TTN: variants seen among roughly 807,000 people sequenced by gnomAD.
TTN encodes connectin.
In TTN, 1,525 loss-of-function variants were observed where a neutral mutation model predicts 3,223.0. That is an observed-to-expected ratio of 0.47 (90% confidence interval 0.45 to 0.49). The LOEUF (loss-of-function observed/expected upper bound fraction) is 0.49. Ranked by LOEUF, TTN falls within the 20% of genes least tolerant of loss-of-function variation. TTN has a pLI of 0.00. For missense variants in TTN, 40,786 were observed against 43,424.0 expected, an observed-to-expected ratio of 0.94 and a Z score of 5.40; for synonymous variants, 14,094 against 15,161.0, an observed-to-expected ratio of 0.93 and a Z score of 5.17.
rs1315019167 is a variant in TTN at position 178,773,119 on chromosome 2, A to G, written c.7845T>C (p.Leu2615=). ...YAGENMTSGK[L]TVAGGAISKP... ...AATAAATATACCAACCTGCCACAGT[A>G]AGTTTTCCAGATGTCATATTTTCTC... The change falls in exon 33 of 363, where the codon CTT becomes CTC. Residue 2615 remains leucine (L), a synonymous_variant. Transcript: ENST00000589042. 1 of 1,613,948 alleles carries G rather than the reference A, an allele frequency of 6.2e-7. No homozygotes were observed. Among genetic ancestry groups the G allele is most frequent in the South Asian group, 1.1e-5 (1 of 91,066 alleles).
In TTN at chr2:178,773,558, G is replaced by A. The variant is rs1561253718; in HGVS notation, c.7498C>T (p.Gln2500Ter). Residue 2500 changes from glutamine (Q) to a stop codon, truncating the protein, a stop_gained, in exon 32 of 363, where the codon CAG (glutamine) becomes TAG (stop). Transcript: ENST00000589042. LOFTEE classifies it high-confidence loss of function. Reference sequence around the variant, plus strand: ...TGAGTTCGGTTAATGACTAGTCGCTGTTTAGTACCTTTCACAATGGCCTGT... The same window carrying A: ...TGAGTTCGGTTAATGACTAGTCGCTATTTAGTACCTTTCACAATGGCCTGT... ...RVQAIVKGTK[Q>*]RLVINRTHAS... 11 of 1,614,022 alleles carry A rather than the reference G, an allele frequency of 6.8e-6. No homozygotes were observed. Among genetic ancestry groups the A allele is most frequent in the Non-Finnish European group, 7.6e-6 (9 of 1,179,970 alleles).
At chr2:178,705,953 A>G (rs2075800635) in intron 102 of TTN, among the ~76,000 whole-genome samples, 1 of 152,206 alleles carries the variant, frequency 6.6e-6, no homozygotes, top group Admixed American at 6.5e-5. Context: ...CTTAATAGAC[A>G]TTCACCTCAT....
intron 47 of TTN, chr2:178,750,349 C>A (rs778326098): frequency 1.9e-6 from 3 of 1,613,136 alleles, no homozygotes; most frequent in South Asian, 2.2e-5. Context: ...GGTTAAATAG[C>A]ACACAAGTAA....
rs758317614 is a variant in TTN, at chr2:178,672,713, T to G, written c.34787-10A>C. 9 of 1,589,902 alleles carry G rather than the reference T, an allele frequency of 5.7e-6. No individual in the cohort carries two copies. In the East Asian group the frequency reaches 1.6e-4, roughly 28 times the overall value. ...GGAATTTTCTTTGACACTTTAAAGA[T>G]ATTAGGTGTTTTAGTTAGCTGAGAA... On this transcript the variant is annotated splice_polypyrimidine_tract_variant and intron_variant, in intron 152 of 362. Coordinates refer to ENST00000589042, the MANE Select transcript of TTN (RefSeq NM_001267550.2).
rs773642381 is a variant in TTN at position 178,607,557 on chromosome 2, C to T, written c.53131G>A (p.Gly17711Arg). The T allele has an allele frequency of 3.1e-6, 5 of 1,613,064 alleles. No individual in the cohort carries two copies. Among genetic ancestry groups the T allele is most frequent in the African/African-American group, 1.3e-5 (1 of 74,854 alleles). ...VPTKVWTKEE[G>R]ELDKDRVVID... The stretch of plus-strand genomic sequence containing the variant: ...ACAACACGGTCTTTATCCAGCTCCC[C>T]TTCTTCTTTGGTCCATACTTTTGTA... The change falls in exon 277 of 363, where the codon GGG (glycine) becomes AGG (arginine). Residue 17711 changes from glycine (G) to arginine (R), a missense_variant. Coordinates refer to ENST00000589042, the MANE Select transcript of TTN (RefSeq NM_001267550.2).
At chr2:178,751,473 T>C (rs1219398487) in intron 47 of TTN, 2 of 1,613,194 alleles carry the variant, frequency 1.2e-6, no homozygotes, top group African/African-American at 2.7e-5. Context: ...TGTTTTTTGT[T>C]AAAGGGAGAG....
At chr2:178,713,421 G>T in intron 92 of TTN, 49 bp from the exon 93 acceptor site, 1 of 1,335,464 alleles carries the variant, frequency 7.5e-7, no homozygotes, top group South Asian at 1.6e-5. Context: ...AAAAAACAAA[G>T]GACAACAATT....
Position 178,646,492 on chromosome 2 carries a change from T to C in TTN, c.40290A>G (p.Pro13430=). ...PEPEPQPEEI[P]VKEPEPEKVI... Reference sequence around the variant, plus strand: ...GTCCACTGGATTGAATACCTTTTACTGGTATTTCTTCAGGCTGTGGTTCAG... The same window carrying C: ...GTCCACTGGATTGAATACCTTTTACCGGTATTTCTTCAGGCTGTGGTTCAG... Residue 13430 remains proline (P), a synonymous_variant, in exon 216 of 363, where the codon CCA becomes CCG. Coordinates refer to ENST00000589042, the MANE Select transcript of TTN (RefSeq NM_001267550.2). The C allele has an allele frequency of 1.3e-6, 2 of 1,543,736 alleles. No individual in the cohort carries two copies. The highest frequency in any genetic ancestry group is 2.0e-5 in the Admixed American group (1 of 50,908).
chr2:178,580,128 T>C lies in TTN; in HGVS notation c.67159A>G (p.Ile22387Val). The C allele has an allele frequency of 6.2e-7, 1 of 1,613,382 alleles. No individual in the cohort carries two copies. The highest frequency in any genetic ancestry group is 8.5e-7 in the Non-Finnish European group (1 of 1,179,496). ...PPIIDGGSPI[I>V]NYVVQKRDAE... ...TCACGTTTTTGTACCACATAGTTTA[T>C]GATGGGGCTTCCGCCATCAATAATG... Residue 22387 changes from isoleucine to valine, a missense_variant, in exon 318 of 363, where the codon ATA (isoleucine) becomes GTA (valine). By Grantham distance (29) the Ile-to-Val change is conservative. Transcript: ENST00000589042.
chr2:178,589,657 G>C lies in TTN; in HGVS notation c.62068C>G (p.Arg20690Gly). ...KGKTFVYLKW[R>G]RPDYDGGSPN... ...CTGCCACCATCATAGTCAGGCCTCCGCCACTTTAGATAGACAAATGTCTTT... is the reference window on the plus strand; with the variant it reads ...CTGCCACCATCATAGTCAGGCCTCCCCCACTTTAGATAGACAAATGTCTTT... The change falls in exon 304 of 363, where the codon CGG becomes GGG. Residue 20690 changes from arginine to glycine, a missense_variant. Arg to Gly is a moderately radical substitution (Grantham distance 125, BLOSUM62 -2). Coordinates refer to ENST00000589042, the MANE Select transcript of TTN (RefSeq NM_001267550.2). 1 of 1,613,414 alleles carries C rather than the reference G, an allele frequency of 6.2e-7. No individual in the cohort carries two copies. Among genetic ancestry groups the C allele is most frequent in the Non-Finnish European group, 8.5e-7 (1 of 1,179,574 alleles).
At chr2:178,774,538 G>A (rs2091968970) in intron 29 of TTN, 65 bp from the exon 30 acceptor site, 9 of 1,502,830 alleles carry the variant, frequency 6.0e-6, no homozygotes, top group Admixed American at 1.8e-5. Context: ...ACTTAGGATA[G>A]AGATGATGTC....
chr2:178,651,578 T>A (rs544940843), intron 206 of TTN, 42 bp from the exon 207 acceptor site: 1 of 1,610,784 alleles, frequency 6.2e-7, no homozygotes, highest in African/African-American at 1.3e-5. Context: ...ATGGTTTCAA[T>A]GAAATGTGAA....
rs536756644 is a variant in TTN at position 178,609,665 on chromosome 2, T to G, written c.51739+19A>C. On this transcript the variant is annotated intron_variant, in intron 272 of 362. Transcript: ENST00000589042. ...TATTTCAAAATGGGAAAGTGGCAAC[T>G]CCATGAAACAAAACTTACCAATGGG... 135 of 1,559,356 alleles carry G rather than the reference T, an allele frequency of 8.7e-5. 2 individuals are homozygous for G. In the South Asian group the frequency reaches 1.6e-3, roughly 18 times the overall value.
Position 178,567,941 on chromosome 2 carries a change from C to T in TTN, c.78191G>A (p.Arg26064Lys). The T allele has an allele frequency of 6.2e-7, 1 of 1,613,594 alleles. No homozygotes were observed. The highest frequency in any genetic ancestry group is 8.5e-7 in the Non-Finnish European group (1 of 1,179,620). ...NLEEGIEYEF[R>K]VYAENIVGVG... ...ACCAACAATATTTTCAGCATACACT[C>T]TGAATTCATATTCAATGCCTTCTTC... Residue 26064 changes from arginine (R) to lysine (K), a missense_variant, in exon 326 of 363, where the codon AGA (arginine) becomes AAA (lysine). Arg to Lys is a conservative substitution (Grantham distance 26, BLOSUM62 2). Transcript: ENST00000589042.
At chr2:178,756,201 C>A (rs1201999564) in intron 46 of TTN, 21 bp downstream of exon 46, 6 of 1,554,116 alleles carry the variant, frequency 3.9e-6, no homozygotes, top group South Asian at 2.3e-5. Flanking sequence ...TGAAGCAAGT[C>A]ATAGCTAAAA....
Position 178,566,261 on chromosome 2 carries a change from A to C in TTN, c.79871T>G (p.Ile26624Ser). 6.2e-7 allele frequency: 1 copy of C among 1,613,646 alleles called. No individual in the cohort carries two copies. Among genetic ancestry groups the C allele is most frequent in the Middle Eastern group, 1.7e-4 (1 of 6,056 alleles). ...TTCACCTTCCTCTCGAGACCAAGTG[A>C]TCTCAGGCGTTGGACGACCTTTGAA... ...IPFKGRPTPEITWSREEGEFT... is the reference protein window; with the variant it reads ...IPFKGRPTPESTWSREEGEFT... Residue 26624 changes from isoleucine to serine, a missense_variant, in exon 326 of 363, where the codon ATC becomes AGC. Transcript: ENST00000589042.
intron 2 of TTN, among the ~76,000 whole-genome samples, chr2:178,803,477 A>G (rs992480272): frequency 9.9e-5 from 15 of 151,772 alleles, no homozygotes; most frequent in Non-Finnish European, 1.9e-4. Context: ...ACCAATGAAA[A>G]GGGAATTTCA....
intron 355 of TTN, 48 bp downstream of exon 355, chr2:178,537,293 AT>A (rs550332161): frequency 3.2e-5 from 49 of 1,524,772 alleles, no homozygotes; most frequent in South Asian, 3.1e-4. Context: ...TGTTTTTGAG[AT>A]TTTTTTTTCT....
chr2:178,666,723 C>G (rs546178762), intron 163 of TTN, 101 bp downstream of exon 163: 1 of 982,366 alleles, frequency 1.0e-6, no homozygotes, highest in East Asian at 2.9e-5. Context: ...GAAATGATTT[C>G]CACTGTAGCC....
Sources: allele counts gnomAD v4.1 joint callset (sites outside exome capture counted in the v4.1 genomes callset), GRCh38; gene constraint gnomAD v4.1.1; transcripts MANE v1.5; gene names NCBI Gene and HGNC (gene_info 2026-07-23, HGNC 2026-07-21).